STPG2: variants seen among roughly 807,000 people sequenced by gnomAD.
STPG2 encodes the protein sperm tail PG-rich repeat containing 2.
STPG2 carries 56 observed loss-of-function variants against 54.2 expected under a neutral mutation model. The ratio of observed to expected loss-of-function variants is 1.03; its 90% CI spans 0.83 to 1.29. The LOEUF (loss-of-function observed/expected upper bound fraction) is 1.29, where lower values mean the gene tolerates loss of function less well. Among genes scored for constraint, STPG2 ranks in the 50% most tolerant of loss-of-function variants. The pLI, the probability that STPG2 is intolerant of heterozygous loss-of-function variation, is 0.00. For synonymous variants in STPG2, 200 were observed against 181.8 expected, an observed-to-expected ratio of 1.10 and a Z score of -0.81; for missense variants, 596 against 544.9, an observed-to-expected ratio of 1.09 and a Z score of -0.93.
At chr4:97,822,305 C>T (rs60378349) in intron 9 of STPG2, among the ~76,000 whole-genome samples, 4,434 of 152,256 alleles carry the variant, frequency 0.029, 218 homozygotes, top group African/African-American at 0.1. Context: ...TCATCTGAGA[C>T]CTTGTCAGCC....
At chr4:97,835,762 T>C (rs1175214186) in intron 9 of STPG2, among the ~76,000 whole-genome samples, 1 of 152,136 alleles carries the variant, frequency 6.6e-6, no homozygotes, top group South Asian at 2.1e-4. Flanking sequence ...AGAACATTCA[T>C]GATTCATGGG....
At chr4:97,857,081 G>T (rs1362531252) in intron 8 of STPG2, among the ~76,000 whole-genome samples, 1 of 152,002 alleles carries the variant, frequency 6.6e-6, no homozygotes, top group Non-Finnish European at 1.5e-5. Context: ...AAGGATTTTT[G>T]TTATCGATGT....
chr4:98,069,747 C>T (rs1021859399), intron 5 of STPG2, among the ~76,000 whole-genome samples: 8 of 151,990 alleles, frequency 5.3e-5, no homozygotes, highest in Non-Finnish European at 7.4e-5. Context: ...CAGTAACTTA[C>T]GGCACATATT....
At chr4:98,004,687 G>T (rs1735519917) in intron 5 of STPG2, among the ~76,000 whole-genome samples, 1 of 152,052 alleles carries the variant, frequency 6.6e-6, no homozygotes, top group African/African-American at 2.4e-5. Flanking sequence ...TTTTCTAAGA[G>T]GTGGGAGATG....
chr4:97,711,017 T>C (rs1049409240), intron 10 of STPG2, among the ~76,000 whole-genome samples: 1 of 151,452 alleles, frequency 6.6e-6, no homozygotes, highest in Non-Finnish European at 1.5e-5. Context: ...AAAGTATAAA[T>C]ATATAATATT....
intron 4 of STPG2, among the ~76,000 whole-genome samples, chr4:97,490,328 C>A (rs568476606): frequency 4.0e-5 from 6 of 151,392 alleles, no homozygotes; most frequent in Non-Finnish European, 7.4e-5. Context: ...AAAGCCAATG[C>A]GTTCTTTCAG....
intron 10 of STPG2, among the ~76,000 whole-genome samples, chr4:97,569,573 C>T (rs1191523350): frequency 6.6e-6 from 1 of 152,044 alleles, no homozygotes; most frequent in African/African-American, 2.4e-5. Context: ...CTGAATATAA[C>T]AGAAATCCAT....
chr4:97,651,247 A>G (rs1236865720), intron 10 of STPG2, among the ~76,000 whole-genome samples: 1 of 152,102 alleles, frequency 6.6e-6, no homozygotes, highest in Non-Finnish European at 1.5e-5. Flanking sequence ...AATACAAAGC[A>G]GACATTATTG....
intron 4 of STPG2, among the ~76,000 whole-genome samples, chr4:97,485,587 C>T (rs1730333482): frequency 1.3e-5 from 2 of 151,914 alleles, no homozygotes; most frequent in South Asian, 4.1e-4. Flanking sequence ...ATATCCCATG[C>T]TCATGGATGG....
intron 10 of STPG2, among the ~76,000 whole-genome samples, chr4:97,660,004 CTT>C (rs1274412068): frequency 2.1e-4 from 29 of 140,880 alleles, no homozygotes; most frequent in Non-Finnish European, 1.7e-4. Context: ...ATCTTTCTTT[CTT>C]TTTTTTTTTT....
At chr4:97,905,947 A>G (rs1472805672) in intron 8 of STPG2, among the ~76,000 whole-genome samples, 1 of 152,200 alleles carries the variant, frequency 6.6e-6, no homozygotes, top group Non-Finnish European at 1.5e-5. Context: ...TAACATCACA[A>G]TTAAAAGAAC....
At chr4:98,135,220 C>G (rs1335961288) in intron 1 of STPG2, among the ~76,000 whole-genome samples, 1 of 151,576 alleles carries the variant, frequency 6.6e-6, no homozygotes, top group Admixed American at 6.6e-5. Flanking sequence ...ATCTTGTATA[C>G]TAAAGGAAAA....
At chr4:97,992,734 G>T (rs1735060691) in intron 5 of STPG2, among the ~76,000 whole-genome samples, 1 of 152,082 alleles carries the variant, frequency 6.6e-6, no homozygotes, top group Non-Finnish European at 1.5e-5. Context: ...CAAGAGCATG[G>T]GATGTGTTTC....
intron 10 of STPG2, among the ~76,000 whole-genome samples, chr4:97,692,748 G>T (rs775203140): frequency 1.2e-4 from 18 of 152,130 alleles, no homozygotes; most frequent in Non-Finnish European, 2.1e-4. Context: ...TAGTTCATCA[G>T]GTTATCTAAA....
chr4:97,852,057 A>C (rs1729176571), intron 8 of STPG2, among the ~76,000 whole-genome samples: 1 of 152,180 alleles, frequency 6.6e-6, no homozygotes, highest in South Asian at 2.1e-4. Context: ...AAATTCTTTA[A>C]AAAGGACATA....
At chr4:97,486,467 A>C (rs921208052) in intron 4 of STPG2, among the ~76,000 whole-genome samples, 1 of 151,850 alleles carries the variant, frequency 6.6e-6, no homozygotes, top group African/African-American at 2.4e-5. Flanking sequence ...CCACAGTGCA[A>C]TACCACCTAC....
chr4:97,589,084 T>C (rs1428167256), intron 10 of STPG2, among the ~76,000 whole-genome samples: 7 of 152,028 alleles, frequency 4.6e-5, no homozygotes, highest in African/African-American at 1.7e-4. Context: ...ACGATGCAGT[T>C]AAAAACAGGT....
At chr4:97,704,797 A>G (rs1225311556) in intron 10 of STPG2, among the ~76,000 whole-genome samples, 1 of 152,216 alleles carries the variant, frequency 6.6e-6, no homozygotes, top group Admixed American at 6.5e-5. Context: ...ACATTCTAAA[A>G]TATATTTCAT....
chr4:97,498,633 A>G (rs574957717), intron 4 of STPG2, among the ~76,000 whole-genome samples: 1 of 152,002 alleles, frequency 6.6e-6, no homozygotes, highest in East Asian at 1.9e-4. Flanking sequence ...AAAAATAATG[A>G]TCTTGAAATC....
Sources: allele counts gnomAD v4.1 joint callset (sites outside exome capture counted in the v4.1 genomes callset), GRCh38; gene constraint gnomAD v4.1.1; transcripts MANE v1.5; gene names NCBI Gene and HGNC (gene_info 2026-07-23, HGNC 2026-07-21).